COPG2: variants seen among roughly 807,000 people sequenced by gnomAD.
The protein encoded by COPG2 is coat protein complex I subunit gamma 2, also known as coatomer subunit gamma-2.
Under a neutral mutation model 46.3 loss-of-function variants are expected in COPG2, and 37 were observed. The observed-to-expected ratio is 0.80, with a 90% CI of 0.61 to 1.05. The LOEUF (loss-of-function observed/expected upper bound fraction) is 1.05, where lower values mean the gene tolerates loss of function less well. COPG2 is among the 50% of genes least tolerant of loss of function. The probability of loss-of-function intolerance (pLI) is 0.00; values close to 1 mark genes in which losing one functional copy is unlikely to be tolerated. For missense variants in COPG2, 427 were observed against 387.8 expected (o/e 1.10, Z -0.85); for synonymous variants, 159 against 129.7 (o/e 1.23, Z -1.53).
intron 5 of COPG2, among the ~76,000 whole-genome samples, chr7:130,640,611 T>C (rs1795446371): frequency 6.6e-6 from 1 of 152,172 alleles, no homozygotes; most frequent in African/African-American, 2.4e-5. Context: ...TCATCTTTCC[T>C]GAAAAGTCTG....
intron 9 of COPG2, among the ~76,000 whole-genome samples, chr7:130,571,563 A>G (rs1793900053): frequency 6.6e-6 from 1 of 152,086 alleles, no homozygotes; most frequent in Non-Finnish European, 1.5e-5. Context: ...TGGTGTGGAT[A>G]TGGTGAAAAG....
At chr7:130,542,244 G>T (rs1793341743) in intron 20 of COPG2, among the ~76,000 whole-genome samples, 1 of 149,736 alleles carries the variant, frequency 6.7e-6, no homozygotes, top group African/African-American at 2.5e-5. Flanking sequence ...AAAGCATGGT[G>T]TGGGTAAGAC....
intron 20 of COPG2, among the ~76,000 whole-genome samples, chr7:130,533,754 C>T (rs1319438669): frequency 6.6e-6 from 1 of 152,034 alleles, no homozygotes; most frequent in Non-Finnish European, 1.5e-5. Context: ...CTGACTGACC[C>T]TGAGGTGGTA....
chr7:130,515,105 T>C (rs916637018), intron 20 of COPG2, among the ~76,000 whole-genome samples: 1 of 152,186 alleles, frequency 6.6e-6, no homozygotes, highest in Non-Finnish European at 1.5e-5. Context: ...ATGAATTCTT[T>C]TCCCCTCCCC....
chr7:130,513,209 C>G (rs1347101279), intron 20 of COPG2, among the ~76,000 whole-genome samples: 3 of 146,812 alleles, frequency 2.0e-5, no homozygotes, highest in Non-Finnish European at 4.5e-5. Flanking sequence ...TCACTTGAGC[C>G]CGGGAGGTGG....
At position 130,549,938 on chromosome 7, in the gene COPG2, C is replaced by T. The variant is rs948123169; in HGVS notation, c.1775-562G>A. Reference sequence around the variant, plus strand: ...AACTTCAGAAAATAAAAATAGGAGGCGACAGCACTATTACTGCTCTGAGAT... The same window carrying T: ...AACTTCAGAAAATAAAAATAGGAGGTGACAGCACTATTACTGCTCTGAGAT... On this transcript the variant is annotated intron_variant, in intron 17 of 23. Transcript: ENST00000425248. Among the ~76,000 whole-genome samples the T allele has an allele frequency of 4.8e-3, 729 of 152,060 alleles. 4 individuals are homozygous for T. Among genetic ancestry groups the T allele is most frequent in the Non-Finnish European group, 7.0e-3 (478 of 67,992 alleles).
chr7:130,613,446 T>A, intron 7 of COPG2, 98 bp downstream of exon 7: 3 of 793,184 alleles, frequency 3.8e-6, no homozygotes, highest in Non-Finnish European at 6.4e-6. Context: ...ATACATATTT[T>A]TAACTGTTTC....
intron 20 of COPG2, among the ~76,000 whole-genome samples, chr7:130,528,972 A>G (rs1327831530): frequency 6.6e-6 from 1 of 152,138 alleles, no homozygotes; most frequent in Non-Finnish European, 1.5e-5. Flanking sequence ...GAGGATGGCA[A>G]TAGACAAGGA....
intron 5 of COPG2, among the ~76,000 whole-genome samples, chr7:130,621,102 C>T (rs1795031804): frequency 6.6e-6 from 1 of 152,070 alleles, no homozygotes; most frequent in African/African-American, 2.4e-5. Flanking sequence ...TATGTGACAA[C>T]GAATCAAGAG....
In COPG2 at chr7:130,582,569, A is replaced by C. The variant is rs1343564475; in HGVS notation, c.738-18176T>G. On this transcript the variant is annotated intron_variant, in intron 9 of 23. Coordinates refer to ENST00000425248, the MANE Select transcript of COPG2 (RefSeq NM_012133.6). The stretch of plus-strand genomic sequence containing the variant: ...ATCAGAGTGAACAGGCAACCTACAA[A>C]ATGGGAGAAAATTTTTGCAACCTAC... Among the ~76,000 whole-genome samples, 47 of 151,538 alleles carry C rather than the reference A, an allele frequency of 3.1e-4. 1 individual carries two copies. Among genetic ancestry groups the C allele is most frequent in the African/African-American group, 8.2e-4 (34 of 41,444 alleles).
intron 5 of COPG2, among the ~76,000 whole-genome samples, chr7:130,635,257 ATT>A: frequency 6.6e-6 from 1 of 151,760 alleles, no homozygotes; most frequent in African/African-American, 2.4e-5. Context: ...CTCTTTTTCT[ATT>A]GTTTGGAGCA....
At chr7:130,668,393 G>A (rs1382495844) in intron 1 of COPG2, among the ~76,000 whole-genome samples, 1 of 148,942 alleles carries the variant, frequency 6.7e-6, no homozygotes, top group Non-Finnish European at 1.5e-5. Context: ...GCGGGAACGG[G>A]GCGCGCGCGG....
At position 130,613,686 on chromosome 7, in the gene COPG2, AAAATT is replaced by A. The variant is rs782459696; in HGVS notation, c.400-55_400-51del. The A allele has an allele frequency of 1.4e-5, 16 of 1,153,592 alleles. No homozygotes were observed. The East Asian group carries it at 4.0e-4, about 29-fold the overall frequency. The allele number at this position is 1,153,592 out of a possible 1,614,324, so 71.5% of individuals were successfully genotyped here. A position where few individuals can be genotyped will look rare whatever the true frequency, so the allele number is the denominator to read the frequency against. On this transcript the variant is annotated intron_variant, in intron 6 of 23. Transcript: ENST00000425248. Reference sequence around the variant, plus strand: ...TTGTTAAGGAAAAACATGCTTATGCAAAATTACTCTTATGCTTCAAAATAATTTTC... The same window carrying A: ...TTGTTAAGGAAAAACATGCTTATGCAACTCTTATGCTTCAAAATAATTTTC...
chr7:130,611,593 T>A (rs1794850344), intron 8 of COPG2, among the ~76,000 whole-genome samples: 1 of 152,232 alleles, frequency 6.6e-6, no homozygotes, highest in South Asian at 2.1e-4. Context: ...GAAAAATGAC[T>A]ACTCTGTTTC....
intron 5 of COPG2, among the ~76,000 whole-genome samples, chr7:130,637,644 T>C (rs1156575085): frequency 2.0e-5 from 3 of 152,186 alleles, no homozygotes; most frequent in African/African-American, 7.2e-5. Context: ...TCAAGGTTCT[T>C]AGCTTCCTTA....
At position 130,612,147 on chromosome 7, in the gene COPG2, A is replaced by C. The variant is rs149067956; in HGVS notation, c.579+5T>G. The C allele has an allele frequency of 9.6e-4, 1,535 of 1,597,230 alleles. 8 individuals are homozygous for C. The African/African-American group carries it at 0.018, about 18-fold the overall frequency. On this transcript the variant is annotated splice_donor_5th_base_variant and intron_variant, in intron 8 of 23. Transcript: ENST00000425248. ...AGACAAGCTAATGTGATTCAATGAC[A>C]ATACCTGGACCATAATATTATCACT...
At chr7:130,562,972 T>G (rs1327795362) in intron 11 of COPG2, among the ~76,000 whole-genome samples, 1 of 152,158 alleles carries the variant, frequency 6.6e-6, no homozygotes, top group African/African-American at 2.4e-5. Flanking sequence ...TGACTGAGGG[T>G]TGAATTTTTT....
At chr7:130,561,335 T>C (rs1203774503) in intron 11 of COPG2, 114 bp from the exon 12 acceptor site, 9 of 396,864 alleles carry the variant, frequency 2.3e-5, no homozygotes, top group African/African-American at 4.1e-5. Flanking sequence ...TTAAAAGTAA[T>C]TGCTTCAAAA....
rs782251392 is a variant in COPG2, at chr7:130,633,109, G to A, written c.324-16044C>T. The stretch of plus-strand genomic sequence containing the variant: ...TTATGGCTGCATAGTATTACATGGT[G>A]TATATGTGCCACATTTTCTTTATCC... On this transcript the variant is annotated intron_variant, in intron 5 of 23. Transcript: ENST00000425248. 5.3e-5 allele frequency among the ~76,000 whole-genome samples: 8 copies of A among 152,190 alleles called. No individual in the cohort carries two copies. In the East Asian group the frequency reaches 9.6e-4, roughly 18 times the overall value.
Sources: gnomAD v4.1 joint callset for allele counts (sites outside exome capture counted in the v4.1 genomes callset) on GRCh38, gnomAD v4.1.1 for gene constraint, MANE v1.5 for transcripts, NCBI Gene and HGNC (gene_info 2026-07-23, HGNC 2026-07-21) for gene names.